KIAA1549: variants seen among roughly 807,000 people sequenced by gnomAD.
The protein encoded by KIAA1549 is KIAA1549, also known as UPF0606 protein KIAA1549.
KIAA1549 carries 70 observed loss-of-function variants against 156.4 expected under a neutral mutation model. The observed-to-expected ratio is 0.45, with a 90% CI of 0.37 to 0.55. The LOEUF is 0.55. Among genes scored for constraint, KIAA1549 ranks in the 20% least tolerant of loss-of-function variants. The pLI is 0.00. For missense variants in KIAA1549, 2,428 were observed against 2,540.9 expected, an observed-to-expected ratio of 0.96 and a Z score of 0.96; for synonymous variants, 1,103 against 1,066.4, an observed-to-expected ratio of 1.03 and a Z score of -0.67.
chr7:138,918,089 T>C lies in KIAA1549; in HGVS notation c.1537A>G (p.Met513Val), dbSNP rs774519262. The C allele has an allele frequency of 6.2e-7, 1 of 1,613,838 alleles. No individual in the cohort carries two copies. The highest frequency in any genetic ancestry group is 8.5e-7 in the Non-Finnish European group (1 of 1,179,856). ...TSVGISAEVD[M>V]SSVTTTQVPP... ...ACCTGTGTGGTTGTAACACTACTCA[T>C]ATCCACCTCGGCAGAAATGCCAACA... is the stretch of plus-strand genomic sequence containing the variant. Residue 513 changes from methionine to valine, a missense_variant, in exon 2 of 20, where the codon ATG becomes GTG. By Grantham distance (21) the Met-to-Val change is conservative (BLOSUM62 1). Around this residue, in one of 5 missense-constraint regions of KIAA1549, gnomAD observed 893 missense variants for 847.9 expected, o/e 1.05. Coordinates refer to ENST00000422774, the MANE Select transcript of KIAA1549 (RefSeq NM_001164665.2). This position sits in a 1 kb window ranked among gnomAD's most constrained non-coding sequence, Gnocchi z 4.2.
chr7:138,885,394 C>T (rs572304024), intron 10 of KIAA1549, among the ~76,000 whole-genome samples: 44 of 152,302 alleles, frequency 2.9e-4, no homozygotes, highest in Admixed American at 2.5e-3. Flanking sequence ...GCTCATAGCC[C>T]TAGCAGCATG....
At chr7:138,841,892 TA>T (rs201550744) in intron 18 of KIAA1549, among the ~76,000 whole-genome samples, 259 of 141,496 alleles carry the variant, frequency 1.8e-3, no homozygotes, top group East Asian at 3.1e-3. Flanking sequence ...CAACCACATT[TA>T]AAAAAAAAAA....
intron 1 of KIAA1549, among the ~76,000 whole-genome samples, chr7:138,944,688 A>G (rs1397175707): frequency 6.6e-6 from 1 of 152,236 alleles, no homozygotes; most frequent in Non-Finnish European, 1.5e-5. Context: ...TGATATATCC[A>G]TAAAATGCAA....
intron 11 of KIAA1549, among the ~76,000 whole-genome samples, chr7:138,881,128 G>A (rs1279402831): frequency 2.0e-5 from 3 of 152,148 alleles, no homozygotes; most frequent in Non-Finnish European, 4.4e-5. Flanking sequence ...AGTCTGATGG[G>A]GACCCCTAAA....
intron 17 of KIAA1549, 36 bp from the exon 18 acceptor site, chr7:138,844,510 C>A: frequency 6.7e-7 from 1 of 1,492,014 alleles, no homozygotes; most frequent in Non-Finnish European, 8.9e-7. Flanking sequence ...CAGGACTCCA[C>A]TGCACCCTGG....
chr7:138,894,880 CTTT>C (rs1811640945), intron 9 of KIAA1549, among the ~76,000 whole-genome samples: 1 of 152,148 alleles, frequency 6.6e-6, no homozygotes, highest in Admixed American at 6.5e-5. Flanking sequence ...TTCTGCACAA[CTTT>C]GTACAAAGGC....
chr7:138,968,015 C>CTA (rs957252877), intron 1 of KIAA1549, among the ~76,000 whole-genome samples: 4 of 152,212 alleles, frequency 2.6e-5, no homozygotes, highest in African/African-American at 9.7e-5. Context: ...TCCTGCTTCC[C>CTA]TACCAGCTAG....
At chr7:138,911,346 G>C (rs1327294959) in intron 3 of KIAA1549, 23 bp from the exon 4 acceptor site, 14 of 1,512,120 alleles carry the variant, frequency 9.3e-6, no homozygotes, top group East Asian at 2.4e-5. Context: ...GAAATACAAA[G>C]ACAATTCAAA....
In KIAA1549 at chr7:138,871,233, T is replaced by C. The variant is rs761630834; in HGVS notation, c.4475A>G (p.Gln1492Arg). ...CTGGACGGGAGGTGCCGGGATCGGC[T>C]GCATGGCGATAAGCTGGATCTTACT... ...VPSKIQLIAM[Q>R]PIPAPPVQRP... The change falls in exon 13 of 20, where the codon CAG becomes CGG. Residue 1492 changes from glutamine to arginine, a missense_variant. Gln to Arg is a conservative substitution (Grantham distance 43). This residue lies in a region of KIAA1549 where 404 missense variants were observed against 417.0 expected (regional missense o/e 0.97). Coordinates refer to ENST00000422774, the MANE Select transcript of KIAA1549 (RefSeq NM_001164665.2). 99 of 1,613,222 alleles carry C rather than the reference T, an allele frequency of 6.1e-5. No individual in the cohort carries two copies. Among genetic ancestry groups the C allele is most frequent in the Non-Finnish European group, 8.5e-7 (1 of 1,179,800 alleles).
chr7:138,938,380 C>G (rs1232291443), intron 1 of KIAA1549, among the ~76,000 whole-genome samples: 1 of 152,224 alleles, frequency 6.6e-6, no homozygotes, highest in African/African-American at 2.4e-5. Flanking sequence ...GTCAAGCACA[C>G]ATATTATTCA....
intron 1 of KIAA1549, among the ~76,000 whole-genome samples, chr7:138,955,636 C>T (rs573522454): frequency 6.6e-6 from 1 of 152,246 alleles, no homozygotes; most frequent in African/African-American, 2.4e-5. Flanking sequence ...AAATTGTATA[C>T]ATAGCATGAT....
chr7:138,981,110 G>C lies in KIAA1549; in HGVS notation c.160C>G (p.Leu54Val). 1.6e-6 allele frequency: 2 copies of C among 1,212,148 alleles called. No homozygotes were observed. Among genetic ancestry groups the C allele is most frequent in the Non-Finnish European group, 2.1e-6 (2 of 974,286 alleles). The allele number at this position is 1,212,148 out of a possible 1,614,324, so 75.1% of individuals were successfully genotyped here. A position where few individuals can be genotyped will look rare whatever the true frequency, so the allele number is the denominator to read the frequency against. The change falls in exon 1 of 20, where the codon CTG becomes GTG. Residue 54 changes from leucine (L) to valine (V), a missense_variant. Physicochemically the swap from Leu to Val is conservative, Grantham distance 32. Transcript: ENST00000422774. This position sits in a 1 kb window ranked among gnomAD's most constrained non-coding sequence, Gnocchi z 4.5. ...GGGGCGCACGAGGCCGGCCGGGCCA[G>C]CAGCAGCAGCCAGAGGCCAGGAAGC... ...LLLPGLWLLLLARPASCAPDE... is the reference protein window; with the variant it reads ...LLLPGLWLLLVARPASCAPDE...
chr7:138,979,883 A>G (rs899878505), intron 1 of KIAA1549, among the ~76,000 whole-genome samples: 1 of 152,174 alleles, frequency 6.6e-6, no homozygotes, highest in African/African-American at 2.4e-5. Context: ...GAAAGTGATG[A>G]CTGTGACCTT....
At position 138,916,833 on chromosome 7, in the gene KIAA1549, T is replaced by G; in HGVS notation, c.2793A>C (p.Ala931=). 1 of 1,613,990 alleles carries G rather than the reference T, an allele frequency of 6.2e-7. No individual in the cohort carries two copies. Among genetic ancestry groups the G allele is most frequent in the Non-Finnish European group, 8.5e-7 (1 of 1,179,880 alleles). Residue 931 remains alanine, a synonymous_variant, in exon 2 of 20, where the codon GCA becomes GCC. Coordinates refer to ENST00000422774, the MANE Select transcript of KIAA1549 (RefSeq NM_001164665.2). ...TAGCCAGTGTTGGTGTGTCGACTGT[T>G]GCTTCGAGAGTGAAGGCAGTCACGG... ...LRPVTAFTLE[A]TVDTPTLATA... is the part of the protein sequence containing the mutation.
intron 1 of KIAA1549, among the ~76,000 whole-genome samples, chr7:138,939,722 G>A (rs889217843): frequency 6.6e-6 from 1 of 152,188 alleles, no homozygotes; most frequent in Non-Finnish European, 1.5e-5. Flanking sequence ...GGGCTTAAGA[G>A]GTGACAGCCC....
At chr7:138,925,947 T>C (rs762333104) in intron 1 of KIAA1549, among the ~76,000 whole-genome samples, 1 of 150,120 alleles carries the variant, frequency 6.7e-6, no homozygotes, top group Non-Finnish European at 1.5e-5. Flanking sequence ...CGTTTTGGAC[T>C]CTGAAGCCCC....
chr7:138,899,187 T>C lies in KIAA1549; in HGVS notation c.3670-55A>G, dbSNP rs1368853986. On this transcript the variant is annotated intron_variant, in intron 8 of 19. Transcript: ENST00000422774. The stretch of plus-strand genomic sequence containing the variant: ...CAGAAGCTCATGTTTCTAGATGCCC[T>C]CTCTCAGGTTGCTGAATCCTGGCTG... 6.0e-6 allele frequency: 9 copies of C among 1,511,862 alleles called. No individual in the cohort carries two copies. The Admixed American group carries it at 6.8e-5, about 11-fold the overall frequency. 93.7% of individuals were successfully genotyped at this position (1,511,862 alleles called of 1,614,324 possible).
chr7:138,843,375 A>G (rs1488043557), intron 18 of KIAA1549, among the ~76,000 whole-genome samples: 2 of 152,204 alleles, frequency 1.3e-5, no homozygotes, highest in African/African-American at 4.8e-5. Context: ...CACTTAATTT[A>G]TATGAGGTAT....
chr7:138,917,577 C>G lies in KIAA1549; in HGVS notation c.2049G>C (p.Leu683=). The change falls in exon 2 of 20, where the codon CTG becomes CTC. Residue 683 remains leucine, a synonymous_variant. Coordinates refer to ENST00000422774, the MANE Select transcript of KIAA1549 (RefSeq NM_001164665.2). ...FDSSDLQSSQ[L]SLPSSTNLEF... ...CAAGATTTGTGGAACTGGGAAGAGACAGCTGAGATGACTGCAGATCACTAG... is the reference window on the plus strand; with the variant it reads ...CAAGATTTGTGGAACTGGGAAGAGAGAGCTGAGATGACTGCAGATCACTAG... The G allele has an allele frequency of 3.1e-6, 5 of 1,613,906 alleles. No individual in the cohort carries two copies. Among genetic ancestry groups the G allele is most frequent in the Non-Finnish European group, 4.2e-6 (5 of 1,179,886 alleles).
Sources: gnomAD v4.1 joint callset for allele counts (sites outside exome capture counted in the v4.1 genomes callset) on GRCh38, gnomAD v4.1.1 for gene constraint, gnomAD v4.1.1 regional missense constraint, Gnocchi (gnomAD v3.1) non-coding constraint, MANE v1.5 for transcripts, NCBI Gene and HGNC (gene_info 2026-07-23, HGNC 2026-07-21) for gene names.